LRFN5: variants seen among roughly 807,000 people sequenced by gnomAD.
The protein encoded by LRFN5 is leucine rich repeat and fibronectin type III domain containing 5.
In LRFN5, 24 loss-of-function variants were observed where a neutral mutation model predicts 45.6. The ratio of observed to expected loss-of-function variants is 0.53; its 90% CI spans 0.38 to 0.74. LRFN5 has a LOEUF of 0.74. LRFN5 is among the 30% of genes least tolerant of loss of function. LRFN5 has a pLI of 0.00. For synonymous variants in LRFN5, 340 were observed against 313.8 expected (o/e 1.08, Z -0.88); for missense variants, 776 against 861.5 (o/e 0.90, Z 1.24).
chr14:41,684,779 C>T (rs1053158638), intron 1 of LRFN5, among the ~76,000 whole-genome samples: 2 of 152,058 alleles, frequency 1.3e-5, no homozygotes, highest in Non-Finnish European at 2.9e-5. Context: ...GCGCAGGCAA[C>T]CAAAGGAAAA....
chr14:41,803,959 G>A (rs1460936609), intron 2 of LRFN5, among the ~76,000 whole-genome samples: 1 of 152,126 alleles, frequency 6.6e-6, no homozygotes, highest in East Asian at 1.9e-4. Flanking sequence ...TGCCTCCCAG[G>A]TTCAGGTGAT....
chr14:41,827,704 A>T (rs1272326112), intron 2 of LRFN5, among the ~76,000 whole-genome samples: 2 of 152,056 alleles, frequency 1.3e-5, no homozygotes, highest in Non-Finnish European at 2.9e-5. Flanking sequence ...AATTAATTAT[A>T]TTTGAATAAG....
intron 1 of LRFN5, among the ~76,000 whole-genome samples, chr14:41,739,212 C>T (rs1295513029): frequency 6.6e-6 from 1 of 152,042 alleles, no homozygotes. Context: ...ATGGCCAAAG[C>T]CCATCTCCAC....
chr14:41,623,986 C>G (rs1484628385), intron 1 of LRFN5, among the ~76,000 whole-genome samples: 1 of 151,986 alleles, frequency 6.6e-6, no homozygotes, highest in Non-Finnish European at 1.5e-5. Flanking sequence ...TTCCTGTTTC[C>G]TATAGTGTAA....
intron 3 of LRFN5, among the ~76,000 whole-genome samples, chr14:41,888,465 C>A (rs1594498630): frequency 6.6e-6 from 1 of 152,068 alleles, no homozygotes; most frequent in East Asian, 1.9e-4. Context: ...GGTGGCAAAT[C>A]TTCGTCTTTT....
intron 1 of LRFN5, among the ~76,000 whole-genome samples, chr14:41,653,864 G>A (rs189316109): frequency 1.3e-5 from 2 of 152,214 alleles, no homozygotes; most frequent in African/African-American, 4.8e-5. Flanking sequence ...ACAGCTGACA[G>A]GAGTAACAGG....
intron 2 of LRFN5, among the ~76,000 whole-genome samples, chr14:41,818,071 C>A (rs1334223316): frequency 6.6e-6 from 1 of 151,894 alleles, no homozygotes; most frequent in African/African-American, 2.4e-5. Flanking sequence ...ATTTTATTTC[C>A]TTTAATTCTG....
intron 1 of LRFN5, among the ~76,000 whole-genome samples, chr14:41,655,846 G>T (rs1268069357): frequency 6.6e-6 from 1 of 151,926 alleles, no homozygotes; most frequent in Non-Finnish European, 1.5e-5. Context: ...ACAGTTTTGA[G>T]CTCTGTTGTT....
At chr14:41,756,760 C>G (rs1349739701) in intron 1 of LRFN5, among the ~76,000 whole-genome samples, 2 of 152,214 alleles carry the variant, frequency 1.3e-5, no homozygotes, top group Non-Finnish European at 2.9e-5. Flanking sequence ...TTCAACTCGT[C>G]AAAATCATTC....
chr14:41,888,500 C>T (rs1377064908), intron 3 of LRFN5, among the ~76,000 whole-genome samples: 1 of 152,072 alleles, frequency 6.6e-6, no homozygotes, highest in South Asian at 2.1e-4. Flanking sequence ...ATTTTGGAAA[C>T]AAGCAAAAGC....
intron 1 of LRFN5, among the ~76,000 whole-genome samples, chr14:41,761,830 T>A (rs993570910): frequency 5.9e-5 from 9 of 152,166 alleles, no homozygotes; most frequent in Non-Finnish European, 1.0e-4. Context: ...AATATTGTTG[T>A]GCAAGTAAAA....
chr14:41,636,647 A>G (rs1879321635), intron 1 of LRFN5, among the ~76,000 whole-genome samples: 1 of 152,088 alleles, frequency 6.6e-6, no homozygotes, highest in Admixed American at 6.6e-5. Context: ...TGCTTAGGCT[A>G]TGGTCTCCAG....
chr14:41,763,223 T>C (rs1432997493), intron 1 of LRFN5, among the ~76,000 whole-genome samples: 1 of 152,204 alleles, frequency 6.6e-6, no homozygotes, highest in Non-Finnish European at 1.5e-5. Flanking sequence ...GTAACTGTTT[T>C]CATTTTGAAA....
chr14:41,807,858 A>G (rs1887575623), intron 2 of LRFN5, among the ~76,000 whole-genome samples: 1 of 152,068 alleles, frequency 6.6e-6, no homozygotes, highest in African/African-American at 2.4e-5. Flanking sequence ...GGGAAGTTAG[A>G]TATTGGAAAT....
At chr14:41,680,045 A>G (rs1270437127) in intron 1 of LRFN5, among the ~76,000 whole-genome samples, 1 of 152,026 alleles carries the variant, frequency 6.6e-6, no homozygotes, top group Non-Finnish European at 1.5e-5. Context: ...CAGGGGAGGG[A>G]AGAGTTGGAA....
Position 41,891,344 on chromosome 14 carries a change from A to C in LRFN5, c.1480A>C (p.Ile494Leu). 6 of 1,614,144 alleles carry C rather than the reference A, an allele frequency of 3.7e-6. No individual in the cohort carries two copies. Among genetic ancestry groups the C allele is most frequent in the Non-Finnish European group, 5.1e-6 (6 of 1,180,028 alleles). ...LCVLAIYDDG[I>L]TSLTATRVVG... Reference sequence around the variant, plus strand: ...TGTCTTGGCCATATATGATGATGGCATCACTTCCCTCACTGCCACAAGAGT... The same window carrying C: ...TGTCTTGGCCATATATGATGATGGCCTCACTTCCCTCACTGCCACAAGAGT... The change falls in exon 4 of 6, where the codon ATC becomes CTC. Residue 494 changes from isoleucine (I) to leucine (L), a missense_variant. Physicochemically the swap from Ile to Leu is conservative, Grantham distance 5 (BLOSUM62 2). Transcript: ENST00000298119.
intron 1 of LRFN5, among the ~76,000 whole-genome samples, chr14:41,671,457 A>G (rs1329537436): frequency 6.6e-6 from 1 of 152,056 alleles, no homozygotes; most frequent in Non-Finnish European, 1.5e-5. Context: ...TCATCAAGCA[A>G]TTAATCTTTA....
At chr14:41,729,218 C>T (rs114873200) in intron 1 of LRFN5, among the ~76,000 whole-genome samples, 2,966 of 152,184 alleles carry the variant, frequency 0.019, 88 homozygotes, top group African/African-American at 0.068. Context: ...GGCTTAGCAC[C>T]ATTGCTTTGG....
chr14:41,849,931 A>G (rs541665628), intron 2 of LRFN5, among the ~76,000 whole-genome samples: 1 of 152,030 alleles, frequency 6.6e-6, no homozygotes, highest in South Asian at 2.1e-4. Flanking sequence ...AAAATATTTT[A>G]TCATACTAAA....
Sources: gnomAD v4.1 joint callset for allele counts (sites outside exome capture counted in the v4.1 genomes callset) on GRCh38, gnomAD v4.1.1 for gene constraint, MANE v1.5 for transcripts, NCBI Gene and HGNC (gene_info 2026-07-23, HGNC 2026-07-21) for gene names.